The following AGPAT4 variants were observed in gnomAD, a reference collection of about 807,000 sequenced individuals.
The protein encoded by AGPAT4 is 1-acyl-sn-glycerol-3-phosphate acyltransferase delta.
A neutral mutation model predicts 48.0 loss-of-function variants in AGPAT4; 15 were observed. The observed-to-expected ratio is 0.31, with a 90% CI of 0.21 to 0.48. AGPAT4 has a LOEUF of 0.48. Among genes scored for constraint, AGPAT4 ranks in the 20% least tolerant of loss-of-function variants. AGPAT4 has a pLI of 0.99. For synonymous variants in AGPAT4, 178 were observed against 198.7 expected (o/e 0.90, Z 0.88); for missense variants, 314 against 482.5 (o/e 0.65, Z 3.27).
At chr6:161,239,499 TA>T in intron 1 of AGPAT4, among the ~76,000 whole-genome samples, 1 of 152,252 alleles carries the variant, frequency 6.6e-6, no homozygotes, top group Non-Finnish European at 1.5e-5. Flanking sequence ...TGTTTGTTTT[TA>T]ATATAGATTC....
intron 1 of AGPAT4, among the ~76,000 whole-genome samples, chr6:161,252,069 T>C (rs1782818620): frequency 6.6e-6 from 1 of 152,174 alleles, no homozygotes; most frequent in Non-Finnish European, 1.5e-5. Flanking sequence ...CTAAGTTCCA[T>C]AAGTGGGTTA....
chr6:161,143,421 T>A lies in AGPAT4; in HGVS notation c.843+3103A>T, dbSNP rs1036145809. On this transcript the variant is annotated intron_variant, in intron 7 of 8. Transcript: ENST00000320285. This position sits in a 1 kb window ranked among gnomAD's most constrained non-coding sequence, Gnocchi z 4.7. ...TTAATTTGCACTATTAATGGCCAAG[T>A]TATAGTCCCTTCTGCAAATGTCAAA... is the stretch of plus-strand genomic sequence containing the variant. 1.3e-5 allele frequency among the ~76,000 whole-genome samples: 2 copies of A among 152,194 alleles called. No homozygotes were observed. The highest frequency in any genetic ancestry group is 4.8e-5 in the African/African-American group (2 of 41,438).
chr6:161,186,635 T>C (rs1029521023), intron 2 of AGPAT4, among the ~76,000 whole-genome samples: 1 of 152,118 alleles, frequency 6.6e-6, no homozygotes, highest in East Asian at 1.9e-4. Flanking sequence ...TTCCTCCTGT[T>C]AGACGCCTCT....
intron 2 of AGPAT4, among the ~76,000 whole-genome samples, chr6:161,193,377 T>G (rs1780975751): frequency 6.6e-6 from 1 of 152,218 alleles, no homozygotes. Flanking sequence ...TTTTACAGTT[T>G]ATTGTTTCTG....
At chr6:161,258,350 C>T (rs560761267) in intron 1 of AGPAT4, among the ~76,000 whole-genome samples, 1 of 152,294 alleles carries the variant, frequency 6.6e-6, no homozygotes, top group South Asian at 2.1e-4. Context: ...AACGGGTTGG[C>T]AGATTCTCCA....
Position 161,226,509 on chromosome 6 carries a change from T to G in AGPAT4, c.178+5527A>C, listed in dbSNP as rs143883395. Among the ~76,000 whole-genome samples the G allele has an allele frequency of 6.6e-6, 1 of 152,256 alleles. No individual in the cohort carries two copies. Among genetic ancestry groups the G allele is most frequent in the Non-Finnish European group, 1.5e-5 (1 of 68,016 alleles). On this transcript the variant is annotated intron_variant, in intron 2 of 8. Transcript: ENST00000320285. This position sits in a 1 kb window ranked among gnomAD's most constrained non-coding sequence, Gnocchi z 6.3. ...CTTTCTTATCGAGAACACCACAGAC[T>G]TCCCTTGTATTTTCATTTGTGGGGT...
rs918694220 is a variant in AGPAT4, at chr6:161,161,786, G to A, written c.348+4462C>T. On this transcript the variant is annotated intron_variant, in intron 3 of 8. Transcript: ENST00000320285. This position sits in a 1 kb window ranked among gnomAD's most constrained non-coding sequence, Gnocchi z 4.6. ...CACACAATCAACACTCACTGGACAC[G>A]TATTTTGAAGGTATATCAATTGCTA... 3 of 299,622 alleles carry A rather than the reference G, an allele frequency of 1.0e-5. No homozygotes were observed. Among genetic ancestry groups the A allele is most frequent in the Admixed American group, 8.3e-5 (2 of 24,104 alleles). The allele number at this position is 299,622 out of a possible 1,614,324, so 18.6% of individuals were successfully genotyped here. A position where few individuals can be genotyped will look rare whatever the true frequency, so the allele number is the denominator to read the frequency against.
chr6:161,223,138 C>T lies in AGPAT4; in HGVS notation c.178+8898G>A, dbSNP rs2115029000. The stretch of plus-strand genomic sequence containing the variant: ...GCTCTACCATGCTGGGTCTATGAGC[C>T]TTCTCCACTAGACTGGGTCCCTACC... On this transcript the variant is annotated intron_variant, in intron 2 of 8. Coordinates refer to ENST00000320285, the MANE Select transcript of AGPAT4 (RefSeq NM_020133.3). This position sits in a 1 kb window ranked among gnomAD's most constrained non-coding sequence, Gnocchi z 6.3. Among the ~76,000 whole-genome samples the T allele has an allele frequency of 6.6e-6, 1 of 152,238 alleles. No homozygotes were observed. Among genetic ancestry groups the T allele is most frequent in the Admixed American group, 6.5e-5 (1 of 15,296 alleles).
chr6:161,245,685 T>C lies in AGPAT4; in HGVS notation c.-89-13383A>G, dbSNP rs575540680. Among the ~76,000 whole-genome samples, 1 of 152,264 alleles carries C rather than the reference T, an allele frequency of 6.6e-6. No homozygotes were observed. The highest frequency in any genetic ancestry group is 1.5e-5 in the Non-Finnish European group (1 of 68,016). ...TTTCTCTTTGGTAGGCCCCTCCCTC[T>C]CCTACTCACTGTCCGTGAAGTGCCC... On this transcript the variant is annotated intron_variant, in intron 1 of 8. Coordinates refer to ENST00000320285, the MANE Select transcript of AGPAT4 (RefSeq NM_020133.3). The surrounding 1 kb of genome is among the most constrained non-coding windows in gnomAD (Gnocchi z 5.2).
In AGPAT4 at chr6:161,236,773, G is replaced by A. The variant is rs1782291924; in HGVS notation, c.-89-4471C>T. Among the ~76,000 whole-genome samples, 1 of 152,062 alleles carries A rather than the reference G, an allele frequency of 6.6e-6. No individual in the cohort carries two copies. Among genetic ancestry groups the A allele is most frequent in the Non-Finnish European group, 1.5e-5 (1 of 68,018 alleles). ...AAAAAATAGCTGGATGTGGTGGTGG[G>A]TGTCTGTAATCCCAGCTACTCGGGA... On this transcript the variant is annotated intron_variant, in intron 1 of 8. Transcript: ENST00000320285. The surrounding 1 kb of genome is among the most constrained non-coding windows in gnomAD (Gnocchi z 5.0).
Position 161,251,124 on chromosome 6 carries a change from C to G in AGPAT4, c.-89-18822G>C, listed in dbSNP as rs545146797. On this transcript the variant is annotated intron_variant, in intron 1 of 8. Coordinates refer to ENST00000320285, the MANE Select transcript of AGPAT4 (RefSeq NM_020133.3). The surrounding 1 kb of genome is among the most constrained non-coding windows in gnomAD (Gnocchi z 4.6). ...GCTTCCTTCTACGCTTATTTCTTAT[C>G]CTGCAGAAAACTGATAAATGTTCAC... Among the ~76,000 whole-genome samples the G allele has an allele frequency of 3.8e-4, 58 of 152,240 alleles. 1 individual carries two copies. In the South Asian group the frequency reaches 9.1e-3, roughly 24 times the overall value.
In AGPAT4 at chr6:161,219,713, C is replaced by G. The variant is rs1781751844; in HGVS notation, c.178+12323G>C. 6.6e-6 allele frequency among the ~76,000 whole-genome samples: 1 copy of G among 152,124 alleles called. No homozygotes were observed. Among genetic ancestry groups the G allele is most frequent in the South Asian group, 2.1e-4 (1 of 4,820 alleles). On this transcript the variant is annotated intron_variant, in intron 2 of 8. Coordinates refer to ENST00000320285, the MANE Select transcript of AGPAT4 (RefSeq NM_020133.3). The surrounding 1 kb of genome is among the most constrained non-coding windows in gnomAD (Gnocchi z 4.9). ...TATCACATGTGTATTCCTAAACTTG[C>G]TGATTCTTTAGGGCCACCTGTTTGA... is the stretch of plus-strand genomic sequence containing the variant.
rs1297672019 is a variant in AGPAT4, at chr6:161,143,146, C to T, written c.843+3378G>A. Among the ~76,000 whole-genome samples the T allele has an allele frequency of 6.6e-6, 1 of 152,228 alleles. No individual in the cohort carries two copies. The highest frequency in any genetic ancestry group is 1.5e-5 in the Non-Finnish European group (1 of 68,034). On this transcript the variant is annotated intron_variant, in intron 7 of 8. Transcript: ENST00000320285. This position sits in a 1 kb window ranked among gnomAD's most constrained non-coding sequence, Gnocchi z 4.7. Reference sequence around the variant, plus strand: ...GGAGTGCAGTGGTGCAATCATAGCTCACAGTAACCTTCAACTTCTAGGCTC... The same window carrying T: ...GGAGTGCAGTGGTGCAATCATAGCTTACAGTAACCTTCAACTTCTAGGCTC...
At chr6:161,271,071 T>G (rs1783408473) in intron 1 of AGPAT4, among the ~76,000 whole-genome samples, 1 of 152,216 alleles carries the variant, frequency 6.6e-6, no homozygotes, top group African/African-American at 2.4e-5. Context: ...TTCTGTTCAG[T>G]CTTCTAACAG....
In AGPAT4 at chr6:161,197,563, G is replaced by C. The variant is rs181890298; in HGVS notation, c.179-31146C>G. ...TCTAGGAATGTACCGACTGATGTACGCATTACTCCTGGGGCTCATGTTTTC... is the reference window on the plus strand; with the variant it reads ...TCTAGGAATGTACCGACTGATGTACCCATTACTCCTGGGGCTCATGTTTTC... On this transcript the variant is annotated intron_variant, in intron 2 of 8. Coordinates refer to ENST00000320285, the MANE Select transcript of AGPAT4 (RefSeq NM_020133.3). This position sits in a 1 kb window ranked among gnomAD's most constrained non-coding sequence, Gnocchi z 5.7. Among the ~76,000 whole-genome samples, 7 of 152,222 alleles carry C rather than the reference G, an allele frequency of 4.6e-5. No homozygotes were observed. Among genetic ancestry groups the C allele is most frequent in the Admixed American group, 4.6e-4 (7 of 15,292 alleles).
In AGPAT4 at chr6:161,196,450, T is replaced by C. The variant is rs1266170824; in HGVS notation, c.179-30033A>G. Among the ~76,000 whole-genome samples the C allele has an allele frequency of 6.6e-6, 1 of 152,098 alleles. No homozygotes were observed. Among genetic ancestry groups the C allele is most frequent in the Non-Finnish European group, 1.5e-5 (1 of 68,014 alleles). On this transcript the variant is annotated intron_variant, in intron 2 of 8. Transcript: ENST00000320285. This position sits in a 1 kb window ranked among gnomAD's most constrained non-coding sequence, Gnocchi z 4.3. ...TCCTATCCAGGGTCTGAAATAGGTC[T>C]GAAGCAACAGAGTTAGGGCAAAGAC...
At position 161,267,892 on chromosome 6, in the gene AGPAT4, C is replaced by T. The variant is rs1004948384; in HGVS notation, c.-90+6046G>A. Among the ~76,000 whole-genome samples the T allele has an allele frequency of 6.6e-6, 1 of 152,092 alleles. No homozygotes were observed. The highest frequency in any genetic ancestry group is 6.5e-5 in the Admixed American group (1 of 15,268). On this transcript the variant is annotated intron_variant, in intron 1 of 8. Coordinates refer to ENST00000320285, the MANE Select transcript of AGPAT4 (RefSeq NM_020133.3). The surrounding 1 kb of genome is among the most constrained non-coding windows in gnomAD (Gnocchi z 5.2). The stretch of plus-strand genomic sequence containing the variant: ...AAAGAAAGACCAGTCTCACTTTTAA[C>T]ATTTTAAACAAAACTAAAAAATAAA...
Position 161,195,831 on chromosome 6 carries a change from G to A in AGPAT4, c.179-29414C>T, listed in dbSNP as rs565744135. On this transcript the variant is annotated intron_variant, in intron 2 of 8. Coordinates refer to ENST00000320285, the MANE Select transcript of AGPAT4 (RefSeq NM_020133.3). This position sits in a 1 kb window ranked among gnomAD's most constrained non-coding sequence, Gnocchi z 5.0. ...CTCTACACTGCTCTCTGGGGCAGGT[G>A]TCAGGGCCAGCAGGCAGGCTGATTG... Among the ~76,000 whole-genome samples the A allele has an allele frequency of 5.9e-5, 9 of 152,350 alleles. No homozygotes were observed. Among genetic ancestry groups the A allele is most frequent in the Admixed American group, 2.0e-4 (3 of 15,310 alleles).
In AGPAT4 at chr6:161,137,212, A is replaced by T. The variant is rs1465580583; in HGVS notation, c.1043-578T>A. Among the ~76,000 whole-genome samples the T allele has an allele frequency of 1.3e-5, 2 of 152,204 alleles. No individual in the cohort carries two copies. Among genetic ancestry groups the T allele is most frequent in the African/African-American group, 4.8e-5 (2 of 41,446 alleles). ...AGTTTAATATAGGAAGCTGGAAAGC[A>T]GGGCCTAATGCTCAGAAGTTGCAAT... is the stretch of plus-strand genomic sequence containing the variant. On this transcript the variant is annotated intron_variant, in intron 8 of 8. Transcript: ENST00000320285. The surrounding 1 kb of genome is among the most constrained non-coding windows in gnomAD (Gnocchi z 6.1).
Sources: gnomAD v4.1 joint callset for allele counts (sites outside exome capture counted in the v4.1 genomes callset) on GRCh38, gnomAD v4.1.1 for gene constraint, Gnocchi (gnomAD v3.1) non-coding constraint, MANE v1.5 for transcripts, NCBI Gene and HGNC (gene_info 2026-07-23, HGNC 2026-07-21) for gene names.